Variants in FBXW7 observed in about 807,000 individuals in gnomAD.
FBXW7 encodes the protein F-box and WD repeat domain containing 7.
FBXW7 carries 11 observed loss-of-function variants against 86.3 expected under a neutral mutation model. The ratio of observed to expected loss-of-function variants is 0.13; its 90% CI spans 0.08 to 0.21. FBXW7 has a LOEUF of 0.21. Among genes scored for constraint, FBXW7 ranks in the 10% least tolerant of loss-of-function variants. The pLI, the probability that FBXW7 is intolerant of heterozygous loss-of-function variation, is 1.00. For missense variants in FBXW7, 488 were observed against 847.4 expected (o/e 0.58, Z 5.27); for synonymous variants, 313 against 297.9 (o/e 1.05, Z -0.52).
At chr4:152,457,424 C>T (rs1284047298) in intron 2 of FBXW7, among the ~76,000 whole-genome samples, 1 of 152,082 alleles carries the variant, frequency 6.6e-6, no homozygotes, top group Admixed American at 6.5e-5. Context: ...AGGCGGATCA[C>T]GAGGTCAGGA....
At chr4:152,506,859 T>G (rs937284060) in intron 2 of FBXW7, among the ~76,000 whole-genome samples, 2 of 152,224 alleles carry the variant, frequency 1.3e-5, no homozygotes, top group African/African-American at 4.8e-5. Context: ...GGGACCACAC[T>G]TTGAGAACCA....
intron 2 of FBXW7, among the ~76,000 whole-genome samples, chr4:152,441,139 AG>A (rs1222326724): frequency 6.6e-6 from 1 of 152,198 alleles, no homozygotes; most frequent in Non-Finnish European, 1.5e-5. Context: ...TATATGGCTA[AG>A]TATGTTCCTC....
chr4:152,456,304 AG>A lies in FBXW7; in HGVS notation c.-119-43776del, dbSNP rs1294053367. ...TGAAGTGGAAGGATGGCTTGAGGCC[AG>A]AAGTTTGAGACCAGCCTGGGCAACA... On this transcript the variant is annotated intron_variant, in intron 2 of 13. Coordinates refer to ENST00000281708, the MANE Select transcript of FBXW7 (RefSeq NM_001349798.2). 2.0e-5 allele frequency among the ~76,000 whole-genome samples: 3 copies of A among 150,502 alleles called. No individual in the cohort carries two copies. The East Asian group carries it at 5.9e-4, about 30-fold the overall frequency.
At chr4:152,504,220 G>C (rs1374989757) in intron 2 of FBXW7, among the ~76,000 whole-genome samples, 1 of 152,040 alleles carries the variant, frequency 6.6e-6, no homozygotes, top group Non-Finnish European at 1.5e-5. Context: ...AAAAGAAACT[G>C]GAAGAAGGTA....
chr4:152,379,968 A>G (rs1260723938), intron 4 of FBXW7, among the ~76,000 whole-genome samples: 3 of 152,184 alleles, frequency 2.0e-5, no homozygotes, highest in Admixed American at 1.3e-4. Flanking sequence ...TTAACTGTGC[A>G]AACATTAACT....
chr4:152,517,476 A>G (rs1351921800), intron 2 of FBXW7, among the ~76,000 whole-genome samples: 2 of 152,196 alleles, frequency 1.3e-5, no homozygotes, highest in Non-Finnish European at 2.9e-5. Flanking sequence ...GCACTGTTCT[A>G]TAAATAATAT....
chr4:152,449,569 G>A (rs1741723181), intron 2 of FBXW7, among the ~76,000 whole-genome samples: 2 of 152,056 alleles, frequency 1.3e-5, no homozygotes, highest in Admixed American at 1.3e-4. Context: ...AAGGACATAT[G>A]GCTATATAGG....
intron 2 of FBXW7, among the ~76,000 whole-genome samples, chr4:152,516,562 C>T (rs914109424): frequency 6.6e-6 from 1 of 152,138 alleles, no homozygotes; most frequent in African/African-American, 2.4e-5. Flanking sequence ...ATACAGATGA[C>T]CATTTAGATT....
At position 152,322,797 on chromosome 4, in the gene FBXW7, T is replaced by G; in HGVS notation, c.*84A>C. 6.4e-7 allele frequency: 1 copy of G among 1,556,454 alleles called. No individual in the cohort carries two copies. Among genetic ancestry groups the G allele is most frequent in the South Asian group, 1.3e-5 (1 of 79,560 alleles). ...ACTGAGAACAAGGGATTTTTTTCTT[T>G]TTCTTTTCTTTTTTTCTTTTTGCAG... On this transcript the variant is annotated 3_prime_UTR_variant, in exon 14 of 14. Coordinates refer to ENST00000281708, the MANE Select transcript of FBXW7 (RefSeq NM_001349798.2).
At chr4:152,403,622 C>T (rs1464854675) in intron 4 of FBXW7, among the ~76,000 whole-genome samples, 1 of 152,110 alleles carries the variant, frequency 6.6e-6, no homozygotes, top group Non-Finnish European at 1.5e-5. Flanking sequence ...CCTCAGCTCA[C>T]CACGCATTAG....
At position 152,535,365 on chromosome 4, in the gene FBXW7, C is replaced by G. The variant is rs1222720267; in HGVS notation, c.-451G>C. On this transcript the variant is annotated 5_prime_UTR_variant, in exon 1 of 14. Coordinates refer to ENST00000281708, the MANE Select transcript of FBXW7 (RefSeq NM_001349798.2). ...TCCAGCCAAGGAGCCGGGGGGCCGG[C>G]GACTGGCCAAGGGAGAAGACCCCCG... The G allele has an allele frequency of 8.0e-6, 3 of 373,976 alleles. No homozygotes were observed. The highest frequency in any genetic ancestry group is 6.3e-5 in the African/African-American group (3 of 47,674). The allele number at this position is 373,976 out of a possible 1,614,324, so 23.2% of individuals were successfully genotyped here. A position where few individuals can be genotyped will look rare whatever the true frequency, so the allele number is the denominator to read the frequency against.
chr4:152,466,174 T>C (rs1248106152), intron 2 of FBXW7, among the ~76,000 whole-genome samples: 2 of 152,146 alleles, frequency 1.3e-5, no homozygotes, highest in Non-Finnish European at 1.5e-5. Context: ...GACAACATTA[T>C]AGGTCAAAAT....
chr4:152,488,144 C>T (rs1049100638), intron 2 of FBXW7, among the ~76,000 whole-genome samples: 19 of 151,954 alleles, frequency 1.3e-4, no homozygotes, highest in Non-Finnish European at 2.2e-4. Context: ...TTGTCAATCA[C>T]TTTGACTAAC....
rs189209102 is a variant in FBXW7, at chr4:152,442,973, G to A, written c.-119-30444C>T. 9.9e-5 allele frequency among the ~76,000 whole-genome samples: 15 copies of A among 152,202 alleles called. No homozygotes were observed. The East Asian group carries it at 2.9e-3, about 29-fold the overall frequency. On this transcript the variant is annotated intron_variant, in intron 2 of 13. Transcript: ENST00000281708. ...AGATTGAAAGAAGTAACATATTAAAGCACCCAAGGCCAGGCGCGGTGGCTC... is the reference window on the plus strand; with the variant it reads ...AGATTGAAAGAAGTAACATATTAAAACACCCAAGGCCAGGCGCGGTGGCTC...
chr4:152,386,874 A>G (rs931148993), intron 4 of FBXW7, among the ~76,000 whole-genome samples: 22 of 152,202 alleles, frequency 1.4e-4, no homozygotes, highest in Admixed American at 8.5e-4. Flanking sequence ...AATATCACCA[A>G]TACGGTATCT....
intron 2 of FBXW7, among the ~76,000 whole-genome samples, chr4:152,450,694 T>G (rs1204946721): frequency 6.6e-6 from 1 of 152,240 alleles, no homozygotes; most frequent in African/African-American, 2.4e-5. Flanking sequence ...CATAACAATT[T>G]GATATTTGTA....
At chr4:152,510,514 A>G (rs1362770612) in intron 2 of FBXW7, among the ~76,000 whole-genome samples, 1 of 152,218 alleles carries the variant, frequency 6.6e-6, no homozygotes, top group African/African-American at 2.4e-5. Context: ...CAGAACAAGT[A>G]AAAAAGGGAG....
chr4:152,349,347 T>A (rs765792212), intron 5 of FBXW7, among the ~76,000 whole-genome samples: 15 of 151,930 alleles, frequency 9.9e-5, no homozygotes, highest in Admixed American at 3.3e-4. Context: ...TTCTGTCATT[T>A]AAATTTTAAA....
intron 2 of FBXW7, among the ~76,000 whole-genome samples, chr4:152,524,961 C>A (rs948194275): frequency 2.0e-5 from 3 of 152,038 alleles, no homozygotes; most frequent in Non-Finnish European, 4.4e-5. Context: ...AACTTACAAC[C>A]CAAATATTTA....
Sources: gnomAD v4.1 joint callset for allele counts (sites outside exome capture counted in the v4.1 genomes callset) on GRCh38, gnomAD v4.1.1 for gene constraint, MANE v1.5 for transcripts, NCBI Gene and HGNC (gene_info 2026-07-23, HGNC 2026-07-21) for gene names.